The following OCA2 variants were observed in gnomAD, a reference collection of about 807,000 sequenced individuals.
OCA2 encodes the protein P protein.
OCA2 carries 77 observed loss-of-function variants against 100.2 expected under a neutral mutation model. That is an observed-to-expected ratio of 0.77 (90% CI 0.64 to 0.93). The LOEUF is 0.93. Ranked by LOEUF, OCA2 falls within the 40% of genes least tolerant of loss-of-function variation. The probability of loss-of-function intolerance (pLI) is 0.00; values close to 1 mark genes in which losing one functional copy is unlikely to be tolerated. For synonymous variants in OCA2, 432 were observed against 439.2 expected, an observed-to-expected ratio of 0.98 and a Z score of 0.21; for missense variants, 1,062 against 1,089.1, an observed-to-expected ratio of 0.98 and a Z score of 0.35.
intron 23 of OCA2, among the ~76,000 whole-genome samples, chr15:27,801,684 A>AT (rs1197235274): frequency 1.3e-5 from 2 of 152,066 alleles, no homozygotes; most frequent in Non-Finnish European, 2.9e-5. Flanking sequence ...AAACTAAAAA[A>AT]ATATATATTT....
chr15:27,865,131 C>T (rs944156064), intron 21 of OCA2, among the ~76,000 whole-genome samples: 3 of 151,878 alleles, frequency 2.0e-5, no homozygotes, highest in Non-Finnish European at 4.4e-5. Context: ...GCTGAAGACA[C>T]GCTTGGAGAG....
chr15:27,732,154 CA>C, the OCA2 span, among the ~76,000 whole-genome samples: 1 of 152,176 alleles, frequency 6.6e-6, no homozygotes, highest in African/African-American at 2.4e-5. Context: ...GAGCTTCCTC[CA>C]AAATTTATAC....
At chr15:28,083,847 G>C (rs1015770395) in intron 1 of OCA2, among the ~76,000 whole-genome samples, 2 of 152,192 alleles carry the variant, frequency 1.3e-5, no homozygotes, top group Admixed American at 1.3e-4. Context: ...TGGTCCTGCT[G>C]AGACTTTAGA....
the OCA2 span, among the ~76,000 whole-genome samples, chr15:27,742,379 A>G: frequency 6.6e-6 from 1 of 152,218 alleles, no homozygotes; most frequent in Non-Finnish European, 1.5e-5. Flanking sequence ...TCAGTCTTCA[A>G]GAATTTGTCA....
rs1244587589 is a variant in OCA2 at position 28,016,264 on chromosome 15, G to T, written c.808-78C>A. The T allele has an allele frequency of 5.4e-6, 6 of 1,106,500 alleles. No individual in the cohort carries two copies. In the East Asian group the frequency reaches 1.4e-4, roughly 26 times the overall value. 68.5% of individuals were successfully genotyped at this position (1,106,500 alleles called of 1,614,324 possible). On this transcript the variant is annotated intron_variant, in intron 7 of 23. Coordinates refer to ENST00000354638, the MANE Select transcript of OCA2 (RefSeq NM_000275.3). The stretch of plus-strand genomic sequence containing the variant: ...CTGGGATCTGGCACTGCTCGGTCTA[G>T]GTATTTGTTTCAAAAAAGAAAAGGA...
intron 2 of OCA2, among the ~76,000 whole-genome samples, chr15:28,074,661 G>A (rs1205868222): frequency 1.1e-4 from 15 of 137,728 alleles, no homozygotes; most frequent in South Asian, 9.4e-4. Flanking sequence ...GCAACAGAGC[G>A]AGACTCCGTC....
In OCA2 at chr15:28,032,147, G is replaced by A; in HGVS notation, c.244C>T (p.Pro82Ser). 1.2e-6 allele frequency: 2 copies of A among 1,613,512 alleles called. No homozygotes were observed. The highest frequency in any genetic ancestry group is 1.7e-5 in the Admixed American group (1 of 60,008). ...TTAGACCTGGAGCTGGACATCTGGG[G>A]CAAAGAAGAGTGAGACCTGAAAGAG... ...LTKGRSHSSLPQMSSSRSKDS... is the reference protein window; with the variant it reads ...LTKGRSHSSLSQMSSSRSKDS... Residue 82 changes from proline to serine, a missense_variant, in exon 3 of 24, where the codon CCC becomes TCC. Physicochemically the swap from Pro to Ser is moderately conservative, Grantham distance 74. Coordinates refer to ENST00000354638, the MANE Select transcript of OCA2 (RefSeq NM_000275.3).
chr15:27,999,314 G>A (rs4485307), intron 9 of OCA2, among the ~76,000 whole-genome samples: 91,472 of 151,980 alleles, frequency 0.6, 31,692 homozygotes, highest in Non-Finnish European at 0.79. Flanking sequence ...TTCAACATAC[G>A]CAAATCAATA....
chr15:27,840,132 T>C (rs1020960957), intron 23 of OCA2, among the ~76,000 whole-genome samples: 4 of 150,974 alleles, frequency 2.6e-5, no homozygotes, highest in African/African-American at 9.7e-5. Flanking sequence ...AACAAACAAA[T>C]AAAAATAAAT....
At chr15:28,073,282 C>A (rs4778235) in intron 2 of OCA2, among the ~76,000 whole-genome samples, 7,498 of 152,106 alleles carry the variant, frequency 0.049, 586 homozygotes, top group African/African-American at 0.17. Flanking sequence ...GGCGTGGTGG[C>A]GAGCAACTAT....
intron 23 of OCA2, among the ~76,000 whole-genome samples, chr15:27,778,990 A>T (rs990992536): frequency 6.6e-6 from 1 of 152,198 alleles, no homozygotes; most frequent in African/African-American, 2.4e-5. Context: ...TTCATTATGG[A>T]AGAGAAGACT....
In OCA2 at chr15:27,969,920, G is replaced by T. The variant is rs965117649; in HGVS notation, c.1504-3098C>A. On this transcript the variant is annotated intron_variant, in intron 14 of 23. Coordinates refer to ENST00000354638, the MANE Select transcript of OCA2 (RefSeq NM_000275.3). Reference sequence around the variant, plus strand: ...TGTGAAAATTTAAAAAAAAAAAAAAGCTTCTTATGAAGTGTTTAGCTGAAT... The same window carrying T: ...TGTGAAAATTTAAAAAAAAAAAAAATCTTCTTATGAAGTGTTTAGCTGAAT... 1.4e-4 allele frequency among the ~76,000 whole-genome samples: 16 copies of T among 116,092 alleles called. 1 individual carries two copies. The highest frequency in any genetic ancestry group is 3.0e-4 in the Non-Finnish European group (14 of 46,216). The allele number at this position is 116,092 out of a possible 152,430, so 76.2% of individuals were successfully genotyped here.
At chr15:28,069,601 G>T (rs1340548636) in intron 2 of OCA2, among the ~76,000 whole-genome samples, 1 of 140,778 alleles carries the variant, frequency 7.1e-6, no homozygotes, top group Non-Finnish European at 1.5e-5. Context: ...ACGGGGTTTC[G>T]CTGTGTTGGC....
intron 10 of OCA2, 44 bp downstream of exon 10, chr15:27,990,532 T>C (rs2041518790): frequency 6.4e-7 from 1 of 1,571,930 alleles, no homozygotes; most frequent in African/African-American, 1.3e-5. Context: ...TGAGCTGACA[T>C]CCCACTGAGT....
At chr15:27,992,726 C>T (rs2041596542) in intron 9 of OCA2, among the ~76,000 whole-genome samples, 2 of 152,324 alleles carry the variant, frequency 1.3e-5, no homozygotes, top group South Asian at 2.1e-4. Flanking sequence ...GGGATGAAGC[C>T]TGCTCCAAGC....
chr15:27,795,515 T>C (rs56168408), intron 23 of OCA2, among the ~76,000 whole-genome samples: 1,879 of 152,214 alleles, frequency 0.012, 41 homozygotes, highest in African/African-American at 0.042. Context: ...AGCAGGCAAG[T>C]TGGCACTACA....
chr15:28,027,255 T>TC (rs2141342017), intron 4 of OCA2, among the ~76,000 whole-genome samples: 1 of 152,012 alleles, frequency 6.6e-6, no homozygotes, highest in East Asian at 1.9e-4. Context: ...ACGCCCGCCG[T>TC]CCCCCTACGC....
intron 23 of OCA2, among the ~76,000 whole-genome samples, chr15:27,830,508 A>C (rs763410739): frequency 1.3e-5 from 2 of 152,246 alleles, no homozygotes; most frequent in Non-Finnish European, 2.9e-5. Context: ...AATTGGAATA[A>C]AAAACTGAAA....
intron 23 of OCA2, among the ~76,000 whole-genome samples, chr15:27,822,981 T>G (rs1437922762): frequency 6.6e-6 from 1 of 152,248 alleles, no homozygotes; most frequent in Admixed American, 6.5e-5. Context: ...TAATATTACA[T>G]TTTGCTTTTC....
Sources: allele counts gnomAD v4.1 joint callset (sites outside exome capture counted in the v4.1 genomes callset), GRCh38; gene constraint gnomAD v4.1.1; transcripts MANE v1.5; gene names NCBI Gene and HGNC (gene_info 2026-07-23, HGNC 2026-07-21).